The following HFM1 variants were observed in gnomAD, a reference collection of about 807,000 sequenced individuals.
The protein encoded by HFM1 is helicase for meiosis 1.
A neutral mutation model predicts 192.1 loss-of-function variants in HFM1; 169 were observed. That is an observed-to-expected ratio of 0.88 (90% CI 0.78 to 1.00). The LOEUF (loss-of-function observed/expected upper bound fraction) is 1.00. Among genes scored for constraint, HFM1 ranks in the 50% least tolerant of loss-of-function variants. The probability of loss-of-function intolerance (pLI) is 0.00; values close to 1 mark genes in which losing one functional copy is unlikely to be tolerated. For synonymous variants in HFM1, 525 were observed against 537.8 expected, an observed-to-expected ratio of 0.98 and a Z score of 0.33; for missense variants, 1,661 against 1,668.0, an observed-to-expected ratio of 1.00 and a Z score of 0.07.
chr1:91,312,352 G>A (rs990285430), intron 30 of HFM1, among the ~76,000 whole-genome samples: 1 of 152,092 alleles, frequency 6.6e-6, no homozygotes, highest in East Asian at 1.9e-4. Flanking sequence ...GCTGTGCCCT[G>A]CAAAGCCACA....
chr1:91,285,737 C>G (rs1667899625), intron 30 of HFM1, among the ~76,000 whole-genome samples: 2 of 152,186 alleles, frequency 1.3e-5, no homozygotes, highest in South Asian at 4.1e-4. Flanking sequence ...AAGGTCAACT[C>G]TGGTCCGAAA....
intron 13 of HFM1, among the ~76,000 whole-genome samples, chr1:91,360,433 T>C (rs1658342145): frequency 6.6e-6 from 1 of 151,644 alleles, no homozygotes; most frequent in Admixed American, 6.6e-5. Context: ...CCAACAAAGA[T>C]CAAAAAAGAC....
chr1:91,263,393 TCTGA>T (rs1665355812), intron 36 of HFM1, among the ~76,000 whole-genome samples: 2 of 152,110 alleles, frequency 1.3e-5, no homozygotes, highest in South Asian at 4.1e-4. Context: ...TCGTTTTGTC[TCTGA>T]CTAATAAATA....
chr1:91,294,623 A>G (rs1647253023), intron 30 of HFM1, among the ~76,000 whole-genome samples: 1 of 152,222 alleles, frequency 6.6e-6, no homozygotes, highest in South Asian at 2.1e-4. Flanking sequence ...AGAGTTGCAT[A>G]GATATAAAGA....
intron 34 of HFM1, among the ~76,000 whole-genome samples, chr1:91,271,725 A>G (rs944325091): frequency 6.6e-6 from 1 of 152,016 alleles, no homozygotes; most frequent in Non-Finnish European, 1.5e-5. Context: ...GGAAATATAT[A>G]GTTGAGGGGT....
At chr1:91,338,405 C>T (rs1295708972) in intron 20 of HFM1, among the ~76,000 whole-genome samples, 1 of 152,212 alleles carries the variant, frequency 6.6e-6, no homozygotes, top group African/African-American at 2.4e-5. Flanking sequence ...TGAGTGCCCC[C>T]TGACTGCCAG....
At chr1:91,262,645 T>C (rs555432) in intron 36 of HFM1, 53 bp from the exon 37 acceptor site, 1,057,148 of 1,057,440 alleles carry the variant, frequency 1, 528,428 homozygotes, top group East Asian at 1. Context: ...AAAAACCATT[T>C]TAATTTGGAT....
At position 91,300,014 on chromosome 1, in the gene HFM1, T is replaced by C. The variant is rs192943458; in HGVS notation, c.3391+13335A>G. Among the ~76,000 whole-genome samples the C allele has an allele frequency of 1.8e-3, 269 of 151,644 alleles. 2 individuals are homozygous for C. The highest frequency in any genetic ancestry group is 6.0e-3 in the African/African-American group (250 of 41,418). On this transcript the variant is annotated intron_variant, in intron 30 of 38. Transcript: ENST00000370425. ...ATCCAGGAGCTGGTTTTTTGAAAGA[T>C]AACAAAATTGATAGACCGCTAGCAA...
chr1:91,317,912 G>A (rs909933936), intron 25 of HFM1, among the ~76,000 whole-genome samples: 2 of 149,530 alleles, frequency 1.3e-5, no homozygotes, highest in African/African-American at 4.9e-5. Context: ...GCTTTTTTCT[G>A]TTCAGCTGTA....
intron 13 of HFM1, among the ~76,000 whole-genome samples, chr1:91,369,067 C>G (rs2101902321): frequency 6.6e-6 from 1 of 152,288 alleles, no homozygotes; most frequent in Non-Finnish European, 1.5e-5. Context: ...AATATATATG[C>G]ACCCAATACA....
chr1:91,359,394 G>A (rs549109352), intron 13 of HFM1, among the ~76,000 whole-genome samples: 1 of 152,180 alleles, frequency 6.6e-6, no homozygotes, highest in Non-Finnish European at 1.5e-5. Context: ...AGAACAGCCA[G>A]TTTAGAGAGG....
At chr1:91,370,232 G>A (rs12037980) in intron 13 of HFM1, among the ~76,000 whole-genome samples, 38,317 of 151,916 alleles carry the variant, frequency 0.25, 5,162 homozygotes, top group East Asian at 0.52. Flanking sequence ...CCTCCCTAAC[G>A]CATTTTATGA....
Position 91,375,648 on chromosome 1 carries a change from T to A in HFM1, c.1475A>T (p.Gln492Leu), listed in dbSNP as rs1212977371. 1 of 1,613,348 alleles carries A rather than the reference T, an allele frequency of 6.2e-7. No individual in the cohort carries two copies. Among genetic ancestry groups the A allele is most frequent in the African/African-American group, 1.3e-5 (1 of 74,894 alleles). The change falls in exon 12 of 39, where the codon CAG becomes CTG. Residue 492 changes from glutamine (Q) to leucine (L), a missense_variant. By Grantham distance (113) the Gln-to-Leu change is moderately radical. Coordinates refer to ENST00000370425, the MANE Select transcript of HFM1 (RefSeq NM_001017975.6). ...GCAGGGAAATCCAAGGACCACTTTCTGAAGTTTCACTGGTCTATGGCTCTC... is the reference window on the plus strand; with the variant it reads ...GCAGGGAAATCCAAGGACCACTTTCAGAAGTTTCACTGGTCTATGGCTCTC... ...MDESHRPVKLQKVVLGFPCSS... is the reference protein window; with the variant it reads ...MDESHRPVKLLKVVLGFPCSS...
rs1327529208 is a variant in HFM1, at chr1:91,319,385, A to G, written c.2588T>C (p.Ile863Thr). The G allele has an allele frequency of 4.4e-6, 7 of 1,608,144 alleles. No individual in the cohort carries two copies. In the African/African-American group the frequency reaches 8.0e-5, roughly 18 times the overall value. ...KTREMKVNCL[I>T]QAQLGCIPIQ... ...GGGAATGCATCCTAGTTGAGCCTGA[A>G]TAAGACTGGGGGAAAGAAAAAAAAT... is the stretch of plus-strand genomic sequence containing the variant. Residue 863 changes from isoleucine (I) to threonine (T), a missense_variant, in exon 24 of 39, where the codon ATT (isoleucine) becomes ACT (threonine). Physicochemically the swap from Ile to Thr is moderately conservative, Grantham distance 89. Coordinates refer to ENST00000370425, the MANE Select transcript of HFM1 (RefSeq NM_001017975.6).
intron 30 of HFM1, among the ~76,000 whole-genome samples, chr1:91,288,700 T>TTA (rs1668320499): frequency 6.6e-6 from 1 of 152,124 alleles, no homozygotes; most frequent in African/African-American, 2.4e-5. Context: ...GGGGGTAAGG[T>TTA]TATAGATTAA....
chr1:91,358,571 G>T (rs139840819), intron 13 of HFM1, among the ~76,000 whole-genome samples: 68 of 152,182 alleles, frequency 4.5e-4, no homozygotes, highest in African/African-American at 1.6e-3. Context: ...TATAAATGAG[G>T]CTGGAAAAAC....
At chr1:91,335,610 C>T (rs562461314) in intron 20 of HFM1, among the ~76,000 whole-genome samples, 68 of 152,182 alleles carry the variant, frequency 4.5e-4, no homozygotes, top group African/African-American at 1.6e-3. Context: ...AATATTCTTA[C>T]AGGAAATTCA....
At chr1:91,291,867 C>T (rs367609866) in intron 30 of HFM1, among the ~76,000 whole-genome samples, 2 of 152,262 alleles carry the variant, frequency 1.3e-5, no homozygotes. Flanking sequence ...ATCAAGTGGG[C>T]TTCATCCCTG....
chr1:91,288,523 G>A (rs1668301529), intron 30 of HFM1, among the ~76,000 whole-genome samples: 1 of 151,962 alleles, frequency 6.6e-6, no homozygotes, highest in Admixed American at 6.6e-5. Flanking sequence ...AGAGGGCCCT[G>A]CTGCCTTCCC....
Sources: allele counts gnomAD v4.1 joint callset (sites outside exome capture counted in the v4.1 genomes callset), GRCh38; gene constraint gnomAD v4.1.1; transcripts MANE v1.5; gene names NCBI Gene and HGNC (gene_info 2026-07-23, HGNC 2026-07-21).